The following CFAP141 variants were observed in gnomAD, a reference collection of about 807,000 sequenced individuals.
The protein encoded by CFAP141 is cilia- and flagella-associated protein 141.
At chr1:154,206,170 C>G in the CFAP141 span, 1 of 1,053,788 alleles carries the variant, frequency 9.5e-7, no homozygotes, top group Non-Finnish European at 1.5e-6. Flanking sequence ...TACATTATAC[C>G]CTTGTTACAT....
At chr1:154,203,045 C>A in the CFAP141 span, among the ~76,000 whole-genome samples, 3 of 147,844 alleles carry the variant, frequency 2.0e-5, no homozygotes, top group Admixed American at 6.8e-5. Context: ...CACTTGAACC[C>A]AGGAGGTGGA....
At chr1:154,205,584 T>A in the CFAP141 span, 2 of 1,612,744 alleles carry the variant, frequency 1.2e-6, no homozygotes, top group East Asian at 2.2e-5. Context: ...AGGGAGGGGA[T>A]AGAAGCAGAT....
the CFAP141 span, among the ~76,000 whole-genome samples, chr1:154,204,320 A>C: frequency 1.3e-5 from 2 of 152,144 alleles, no homozygotes; most frequent in Admixed American, 6.5e-5. Context: ...GTTTCTTCAC[A>C]TCCTTGCTAG....
At chr1:154,200,571 G>A in the CFAP141 span, 1 of 1,614,184 alleles carries the variant, frequency 6.2e-7, no homozygotes, top group Admixed American at 1.7e-5. Flanking sequence ...CAGACAGTGA[G>A]TATGTGAATT....
At chr1:154,204,549 G>A in the CFAP141 span, among the ~76,000 whole-genome samples, 210 of 151,536 alleles carry the variant, frequency 1.4e-3, 2 homozygotes, top group African/African-American at 5.0e-3. Flanking sequence ...CCAAAGTGCT[G>A]GGATTACAGA....
chr1:154,199,095 T>A, the CFAP141 span, among the ~76,000 whole-genome samples: 1 of 152,162 alleles, frequency 6.6e-6, no homozygotes, highest in Non-Finnish European at 1.5e-5. Context: ...TTTGAGCCTT[T>A]AGGAAGTAAA....
At chr1:154,199,235 A>G in the CFAP141 span, 1 of 481,398 alleles carries the variant, frequency 2.1e-6, no homozygotes. Flanking sequence ...CTGTTGTTTC[A>G]TAGATTGTTT....
At chr1:154,205,660 T>C in the CFAP141 span, 72 of 1,611,198 alleles carry the variant, frequency 4.5e-5, no homozygotes, top group Non-Finnish European at 5.7e-5. Flanking sequence ...GGTAGTTCTG[T>C]TGATCTGCCT....
chr1:154,201,606 T>A, the CFAP141 span, among the ~76,000 whole-genome samples: 1 of 151,792 alleles, frequency 6.6e-6, no homozygotes, highest in Non-Finnish European at 1.5e-5. Context: ...CACGCTGGTG[T>A]CGAACTCCTG....
At chr1:154,206,232 T>G in the CFAP141 span, 1 of 1,594,560 alleles carries the variant, frequency 6.3e-7, no homozygotes, top group Non-Finnish European at 8.6e-7. Context: ...ATCTGGAAAC[T>G]TCATCAAACT....
At chr1:154,200,359 A>G in the CFAP141 span, 1 of 1,292,782 alleles carries the variant, frequency 7.7e-7, no homozygotes, top group Non-Finnish European at 1.1e-6. Flanking sequence ...GGCAAACAAG[A>G]TAAATGTGCA....
chr1:154,205,581 G>C, the CFAP141 span: 75 of 1,611,868 alleles, frequency 4.7e-5, 1 homozygote, highest in Non-Finnish European at 6.4e-5. Context: ...TAAAGGGAGG[G>C]GATAGAAGCA....
the CFAP141 span, among the ~76,000 whole-genome samples, chr1:154,201,113 A>G: frequency 6.6e-6 from 1 of 151,944 alleles, no homozygotes; most frequent in East Asian, 1.9e-4. Context: ...ACTATGTGGC[A>G]TAGGTGTTAT....
At chr1:154,202,426 G>A in the CFAP141 span, among the ~76,000 whole-genome samples, 3 of 152,116 alleles carry the variant, frequency 2.0e-5, no homozygotes, top group South Asian at 2.1e-4. Flanking sequence ...CATCATGCAT[G>A]TACATATATC....
At chr1:154,205,020 T>A in the CFAP141 span, among the ~76,000 whole-genome samples, 26 of 151,940 alleles carry the variant, frequency 1.7e-4, no homozygotes, top group Non-Finnish European at 3.1e-4. Context: ...TAGCTGGGAC[T>A]ACAGGCGCAC....
chr1:154,201,509 T>C, the CFAP141 span, among the ~76,000 whole-genome samples: 6 of 151,768 alleles, frequency 4.0e-5, no homozygotes, highest in South Asian at 6.2e-4. Flanking sequence ...TGCCTCAGCC[T>C]CCTGAGTCGC....
the CFAP141 span, among the ~76,000 whole-genome samples, chr1:154,204,808 T>C: frequency 6.6e-6 from 1 of 152,006 alleles, no homozygotes; most frequent in Non-Finnish European, 1.5e-5. Context: ...GCAATCCCCC[T>C]GCCTCGGCCT....
the CFAP141 span, among the ~76,000 whole-genome samples, chr1:154,204,987 T>G: frequency 0.011 from 1,701 of 151,086 alleles, 35 homozygotes; most frequent in African/African-American, 0.038. Flanking sequence ...GTTCAAGCAA[T>G]TCTCCTGCCT....
the CFAP141 span, chr1:154,199,342 G>C: frequency 1.2e-6 from 1 of 837,894 alleles, no homozygotes; most frequent in East Asian, 2.6e-5. Flanking sequence ...GGTATGTTTT[G>C]GGAAGGAGGT....
Sources: allele counts gnomAD v4.1 joint callset (sites outside exome capture counted in the v4.1 genomes callset), GRCh38; gene constraint gnomAD v4.1.1; transcripts MANE v1.5; gene names NCBI Gene and HGNC (gene_info 2026-07-23, HGNC 2026-07-21).